Variants in TBC1D23 observed in about 807,000 individuals in gnomAD.
TBC1D23 encodes HCV non-structural protein 4A-transactivated protein 1.
In TBC1D23, 55 loss-of-function variants were observed where a neutral mutation model predicts 91.4. The observed-to-expected ratio is 0.60, with a 90% CI of 0.48 to 0.75. TBC1D23 has a LOEUF of 0.75. Ranked by LOEUF, TBC1D23 falls within the 30% of genes least tolerant of loss-of-function variation. TBC1D23 has a pLI of 0.00. For missense variants in TBC1D23, 725 were observed against 836.1 expected, an observed-to-expected ratio of 0.87 and a Z score of 1.64; for synonymous variants, 289 against 281.0, an observed-to-expected ratio of 1.03 and a Z score of -0.28.
intron 1 of TBC1D23, among the ~76,000 whole-genome samples, chr3:100,273,998 G>T (rs1009930142): frequency 6.6e-6 from 1 of 152,080 alleles, no homozygotes; most frequent in Non-Finnish European, 1.5e-5. Context: ...CTATATATAT[G>T]TCTATAAATA....
intron 10 of TBC1D23, chr3:100,301,718 C>G (rs1705436013): frequency 5.8e-6 from 1 of 173,068 alleles, no homozygotes; most frequent in African/African-American, 2.4e-5. Flanking sequence ...AAAAATAGAG[C>G]TTGTTTTGAT....
chr3:100,295,435 T>C, intron 7 of TBC1D23, 87 bp downstream of exon 7: 3 of 1,108,430 alleles, frequency 2.7e-6, no homozygotes, highest in Non-Finnish European at 2.6e-6. Flanking sequence ...ATTTAGGAGA[T>C]TAGTCTAGAA....
intron 1 of TBC1D23, among the ~76,000 whole-genome samples, chr3:100,277,925 C>G (rs1431446445): frequency 3.3e-5 from 5 of 152,194 alleles, no homozygotes; most frequent in Non-Finnish European, 2.9e-5. Flanking sequence ...AGCAAAAGAA[C>G]TAAATGTTTC....
intron 6 of TBC1D23, 22 bp from the exon 7 acceptor site, chr3:100,295,280 T>C (rs1282286622): frequency 1.2e-6 from 2 of 1,606,272 alleles, no homozygotes; most frequent in East Asian, 2.2e-5. Context: ...TTAACTCAAA[T>C]TGATTTGATT....
intron 11 of TBC1D23, among the ~76,000 whole-genome samples, chr3:100,304,441 T>C (rs1705483715): frequency 6.6e-6 from 1 of 152,180 alleles, no homozygotes; most frequent in African/African-American, 2.4e-5. Flanking sequence ...AACATTCCCT[T>C]ATTTCTTCAT....
Position 100,274,894 on chromosome 3 carries a change from A to ACCC in TBC1D23, c.54-4748_54-4746dup, listed in dbSNP as rs566977209. On this transcript the variant is annotated intron_variant, in intron 1 of 18. Coordinates refer to ENST00000394144, the MANE Select transcript of TBC1D23 (RefSeq NM_001199198.3). The stretch of plus-strand genomic sequence containing the variant: ...ACATATATCTATGCATACAGTACAC[A>ACCC]CCCCCCCCCTTTTTGTTTATTCATT... Among the ~76,000 whole-genome samples the ACCC allele has an allele frequency of 2.9e-3, 376 of 131,858 alleles. 2 individuals are homozygous for ACCC. The highest frequency in any genetic ancestry group is 9.5e-3 in the African/African-American group (350 of 36,914). 86.5% of individuals were successfully genotyped at this position (131,858 alleles called of 152,430 possible).
intron 5 of TBC1D23, 44 bp from the exon 6 acceptor site, chr3:100,295,043 C>G (rs769106638): frequency 1.3e-6 from 2 of 1,514,742 alleles, no homozygotes; most frequent in Non-Finnish European, 1.8e-6. Context: ...GAGAACAAGT[C>G]ACCTCCAGTG....
Position 100,281,597 on chromosome 3 carries a change from A to C in TBC1D23, c.166-145A>C, listed in dbSNP as rs2067695104. The C allele has an allele frequency of 1.6e-5, 8 of 497,030 alleles. No individual in the cohort carries two copies. The South Asian group carries it at 2.7e-4, about 17-fold the overall frequency. The allele number at this position is 497,030 out of a possible 1,614,324, so 30.8% of individuals were successfully genotyped here. ...AATTCTGCTGGTTGTGACATGACTAAATACTCAACATTTGGTGGAGTATGG... is the reference window on the plus strand; with the variant it reads ...AATTCTGCTGGTTGTGACATGACTACATACTCAACATTTGGTGGAGTATGG... On this transcript the variant is annotated intron_variant, in intron 2 of 18. Coordinates refer to ENST00000394144, the MANE Select transcript of TBC1D23 (RefSeq NM_001199198.3).
intron 1 of TBC1D23, among the ~76,000 whole-genome samples, chr3:100,268,766 C>T (rs1210720869): frequency 1.3e-5 from 2 of 152,148 alleles, no homozygotes; most frequent in Admixed American, 1.3e-4. Flanking sequence ...ACTGAAAAGT[C>T]ACCTCATATG....
chr3:100,293,392 CA>C (rs1330139813), intron 5 of TBC1D23, among the ~76,000 whole-genome samples: 2 of 152,172 alleles, frequency 1.3e-5, no homozygotes, highest in Non-Finnish European at 2.9e-5. Flanking sequence ...CTCGGCCTCC[CA>C]AAGTGCTGGG....
chr3:100,299,551 C>T (rs1705379440), intron 10 of TBC1D23, among the ~76,000 whole-genome samples: 1 of 152,096 alleles, frequency 6.6e-6, no homozygotes, highest in Non-Finnish European at 1.5e-5. Context: ...CTTTTGTTGC[C>T]CAGGCAGGAG....
chr3:100,281,695 T>C (rs757795801), intron 2 of TBC1D23, 47 bp from the exon 3 acceptor site: 5 of 1,202,870 alleles, frequency 4.2e-6, no homozygotes, highest in Admixed American at 1.8e-5. Context: ...TTTCCAAGAA[T>C]GAGGAATAAC....
At chr3:100,314,325 T>C (rs1268361736) in intron 15 of TBC1D23, among the ~76,000 whole-genome samples, 1 of 152,070 alleles carries the variant, frequency 6.6e-6, no homozygotes, top group Admixed American at 6.6e-5. Context: ...CTCGATCTCC[T>C]GACCTCGTGA....
chr3:100,295,318 CAA>C lies in TBC1D23; in HGVS notation c.743_744del (p.Gln248ArgfsTer43), dbSNP rs1397283389. The C allele has an allele frequency of 6.2e-7, 1 of 1,610,644 alleles. No homozygotes were observed. Among genetic ancestry groups the C allele is most frequent in the Non-Finnish European group, 8.5e-7 (1 of 1,178,492 alleles). The part of the protein sequence containing the change: ...LVNAKEVILT[Q>X]ESDSKEEVIK... ...CTTTTACAGAGAAGTTATTTTAACA[CAA>C]GAGTCAGACAGCAAAGAAGAAGTTA... On this transcript the variant is annotated frameshift_variant, in exon 7 of 19. Coordinates refer to ENST00000394144, the MANE Select transcript of TBC1D23 (RefSeq NM_001199198.3). LOFTEE classifies it high-confidence loss of function.
At chr3:100,302,037 C>A in intron 10 of TBC1D23, 30 bp from the exon 11 acceptor site, 1 of 1,551,074 alleles carries the variant, frequency 6.4e-7, no homozygotes, top group South Asian at 1.3e-5. Flanking sequence ...ACAGGCTTGT[C>A]AAGTTTTTAA....
chr3:100,289,171 C>T (rs767296257), intron 4 of TBC1D23, among the ~76,000 whole-genome samples: 4 of 152,012 alleles, frequency 2.6e-5, no homozygotes, highest in African/African-American at 4.8e-5. Flanking sequence ...GCCGAGATCA[C>T]GCCATTGCAC....
chr3:100,283,773 C>T lies in TBC1D23; in HGVS notation c.438C>T (p.Tyr146=). 6.2e-7 allele frequency: 1 copy of T among 1,612,710 alleles called. No individual in the cohort carries two copies. The highest frequency in any genetic ancestry group is 8.5e-7 in the Non-Finnish European group (1 of 1,178,714). ...TTCAACTGCCACGCAGCGATTTATA[C>T]AACTGCTTTTATGCCATAATGAATA... The part of the protein sequence containing the change: ...VHLQLPRSDL[Y]NCFYAIMNKY... Residue 146 remains tyrosine (Y), a synonymous_variant, in exon 4 of 19, where the codon TAC becomes TAT. Transcript: ENST00000394144.
intron 10 of TBC1D23, among the ~76,000 whole-genome samples, chr3:100,301,568 T>C (rs1400889706): frequency 6.6e-6 from 1 of 152,232 alleles, no homozygotes; most frequent in South Asian, 2.1e-4. Flanking sequence ...GTTATTGTCG[T>C]ACTTGTTTCC....
chr3:100,275,330 A>G (rs760976952), intron 1 of TBC1D23, among the ~76,000 whole-genome samples: 2 of 152,008 alleles, frequency 1.3e-5, no homozygotes, highest in African/African-American at 2.4e-5. Context: ...TCTGTAGCCC[A>G]GGCTGGAGTG....
Sources: gnomAD v4.1 joint callset for allele counts (sites outside exome capture counted in the v4.1 genomes callset) on GRCh38, gnomAD v4.1.1 for gene constraint, MANE v1.5 for transcripts, NCBI Gene and HGNC (gene_info 2026-07-23, HGNC 2026-07-21) for gene names.